The following TMEM132B variants were observed in gnomAD, a reference collection of about 807,000 sequenced individuals.
TMEM132B encodes transmembrane protein 132B.
A neutral mutation model predicts 90.8 loss-of-function variants in TMEM132B; 18 were observed. The observed-to-expected ratio is 0.20, with a 90% CI of 0.14 to 0.29. The LOEUF (loss-of-function observed/expected upper bound fraction) is 0.29, where lower values mean the gene tolerates loss of function less well. TMEM132B is among the 10% of genes least tolerant of loss of function. The probability of loss-of-function intolerance (pLI) is 1.00; values close to 1 mark genes in which losing one functional copy is unlikely to be tolerated. For missense variants in TMEM132B, 1,096 were observed against 1,326.8 expected (o/e 0.83, Z 2.70); for synonymous variants, 504 against 523.3 (o/e 0.96, Z 0.50).
intron 4 of TMEM132B, among the ~76,000 whole-genome samples, chr12:125,572,853 C>A (rs1022049725): frequency 6.6e-6 from 1 of 152,160 alleles, no homozygotes; most frequent in Non-Finnish European, 1.5e-5. Flanking sequence ...CCTTTCTTCA[C>A]TGTTTGTTTA....
chr12:125,508,172 TC>T (rs34128696), intron 3 of TMEM132B, among the ~76,000 whole-genome samples: 15,458 of 152,188 alleles, frequency 0.1, 1,258 homozygotes, highest in Admixed American at 0.27. Context: ...CTTTGCACCT[TC>T]TAACTCCATC....
At chr12:125,257,178 C>T (rs1874456406) in intron 1 of TMEM132B, among the ~76,000 whole-genome samples, 3 of 152,014 alleles carry the variant, frequency 2.0e-5, no homozygotes, top group African/African-American at 7.2e-5. Flanking sequence ...TGGGGATGTT[C>T]GCCTATAGTC....
chr12:125,555,713 T>TA lies in TMEM132B; in HGVS notation c.1294-28129dup, dbSNP rs57444725. ...ATGTACCCTAGAACTTAAAGTATAGTAAAAAAAAATATATATATATATAAA... is the reference window on the plus strand; with the variant it reads ...ATGTACCCTAGAACTTAAAGTATAGTAAAAAAAAAATATATATATATATAAA... On this transcript the variant is annotated intron_variant, in intron 4 of 8. Coordinates refer to ENST00000682704, the MANE Select transcript of TMEM132B (RefSeq NM_001366854.1). 6.7e-3 allele frequency among the ~76,000 whole-genome samples: 997 copies of TA among 149,284 alleles called. 17 individuals are homozygous for TA. The highest frequency in any genetic ancestry group is 0.023 in the African/African-American group (920 of 40,688).
rs189555552 is a variant in TMEM132B at position 125,396,983 on chromosome 12, T to C, written c.960-18548T>C. Among the ~76,000 whole-genome samples, 133 of 152,056 alleles carry C rather than the reference T, an allele frequency of 8.7e-4. 3 individuals are homozygous for C. The East Asian group carries it at 0.024, about 27-fold the overall frequency. ...TGGTCTTAACTTCACTATTCTTTTT[T>C]TTTTTTGAGACAGAGCCTTGATCTG... On this transcript the variant is annotated intron_variant, in intron 2 of 8. Coordinates refer to ENST00000682704, the MANE Select transcript of TMEM132B (RefSeq NM_001366854.1).
intron 3 of TMEM132B, among the ~76,000 whole-genome samples, chr12:125,514,950 C>T (rs1883071123): frequency 6.6e-6 from 1 of 152,208 alleles, no homozygotes; most frequent in African/African-American, 2.4e-5. Flanking sequence ...TGCCTCAGCC[C>T]CTCCTCAGGG....
intron 1 of TMEM132B, among the ~76,000 whole-genome samples, chr12:125,243,836 C>T (rs553234420): frequency 3.3e-5 from 5 of 152,270 alleles, no homozygotes; most frequent in South Asian, 4.1e-4. Flanking sequence ...CAGACCTGAA[C>T]GAATGCAGAC....
In TMEM132B at chr12:125,349,891, C is replaced by T. The variant is rs750934553; in HGVS notation, c.507C>T (p.Phe169=). 3.1e-6 allele frequency: 5 copies of T among 1,614,214 alleles called. No homozygotes were observed. The highest frequency in any genetic ancestry group is 4.2e-6 in the Non-Finnish European group (5 of 1,180,034). ...EDLPCVKMFA[F]PEAREVAASC... is the part of the protein sequence containing the mutation. ...TACCCTGTGTCAAGATGTTTGCTTTCCCTGAGGCCAGGGAAGTGGCAGCCA... is the reference window on the plus strand; with the variant it reads ...TACCCTGTGTCAAGATGTTTGCTTTTCCTGAGGCCAGGGAAGTGGCAGCCA... Residue 169 remains phenylalanine (F), a synonymous_variant, in exon 2 of 9, where the codon TTC becomes TTT. Coordinates refer to ENST00000682704, the MANE Select transcript of TMEM132B (RefSeq NM_001366854.1). The surrounding 1 kb of genome is among the most constrained non-coding windows in gnomAD (Gnocchi z 4.1).
intron 1 of TMEM132B, among the ~76,000 whole-genome samples, chr12:125,238,363 AACCAAAAAAAAAACAAAAAAAAAC>A: frequency 7.6e-6 from 1 of 132,430 alleles, no homozygotes; most frequent in African/African-American, 2.9e-5. Flanking sequence ...AAAAAAAAAA[AACCAAAAAAAAAACAAAAAAAAAC>A]CAAAAAAACA....
chr12:125,562,073 G>A (rs1592994550), intron 4 of TMEM132B, among the ~76,000 whole-genome samples: 1 of 152,204 alleles, frequency 6.6e-6, no homozygotes, highest in East Asian at 1.9e-4. Context: ...AAAGATCTTA[G>A]CTAGATCTTC....
intron 1 of TMEM132B, among the ~76,000 whole-genome samples, chr12:125,262,117 G>A (rs1298503731): frequency 1.3e-5 from 2 of 151,978 alleles, no homozygotes; most frequent in Non-Finnish European, 2.9e-5. Flanking sequence ...TCAATTTAAA[G>A]ATAAATATTG....
chr12:125,195,796 G>A (rs185161626), intron 1 of TMEM132B, among the ~76,000 whole-genome samples: 18 of 152,184 alleles, frequency 1.2e-4, no homozygotes, highest in Admixed American at 9.8e-4. Context: ...TGGGAAGAGT[G>A]TTCCAGGCAG....
chr12:125,423,487 C>G (rs924557299), intron 3 of TMEM132B, among the ~76,000 whole-genome samples: 11 of 152,196 alleles, frequency 7.2e-5, no homozygotes, highest in African/African-American at 2.2e-4. Flanking sequence ...GGACTCCTCC[C>G]TGACCCCTTC....
intron 3 of TMEM132B, among the ~76,000 whole-genome samples, chr12:125,513,665 AG>A (rs1217302255): frequency 6.6e-5 from 10 of 152,168 alleles, no homozygotes; most frequent in Non-Finnish European, 1.5e-4. Flanking sequence ...ACACTTGTTG[AG>A]GATCTGCTTG....
intron 1 of TMEM132B, among the ~76,000 whole-genome samples, chr12:125,203,073 C>T (rs1873102569): frequency 6.6e-6 from 1 of 152,130 alleles, no homozygotes; most frequent in African/African-American, 2.4e-5. Flanking sequence ...GGAGAATGTG[C>T]AGAAGCTTAC....
intron 4 of TMEM132B, among the ~76,000 whole-genome samples, chr12:125,564,911 G>T (rs1884624926): frequency 6.6e-6 from 1 of 152,176 alleles, no homozygotes; most frequent in Non-Finnish European, 1.5e-5. Flanking sequence ...GGTTGATTCT[G>T]ACTGTGAAAC....
intron 1 of TMEM132B, among the ~76,000 whole-genome samples, chr12:125,307,365 A>G (rs1270462688): frequency 6.6e-6 from 1 of 152,022 alleles, no homozygotes; most frequent in Non-Finnish European, 1.5e-5. Context: ...AATACGACTA[A>G]TGTGTTTCAG....
In TMEM132B at chr12:125,312,739, T is replaced by C. The variant is rs185759021; in HGVS notation, c.68-36713T>C. 3.3e-5 allele frequency among the ~76,000 whole-genome samples: 5 copies of C among 152,348 alleles called. No individual in the cohort carries two copies. The East Asian group carries it at 9.6e-4, about 29-fold the overall frequency. On this transcript the variant is annotated intron_variant, in intron 1 of 8. Transcript: ENST00000682704. ...CTACAGGTTTCACCTTGCAGAAATC[T>C]GTCAGGATTCAGGTGTGAATTCAGA... is the stretch of plus-strand genomic sequence containing the variant.
At chr12:125,304,590 T>C (rs529487282) in intron 1 of TMEM132B, among the ~76,000 whole-genome samples, 1 of 152,142 alleles carries the variant, frequency 6.6e-6, no homozygotes, top group African/African-American at 2.4e-5. Context: ...TTTTGGTGTA[T>C]GGTATAAGGT....
Position 125,652,626 on chromosome 12 carries a change from A to T in TMEM132B, c.2100A>T (p.Pro700=). The stretch of plus-strand genomic sequence containing the variant: ...CTGCCCTGGATGTTCTTCAGTCCCC[A>T]CAGCAGGTGAGCGTTCCAGGGGCCC... The part of the protein sequence containing the change: ...TAAALDVLQS[P]QQEAIVSSWI... Residue 700 remains proline, a synonymous_variant, in exon 8 of 9, where the codon CCA becomes CCT. Transcript: ENST00000682704. 6.2e-7 allele frequency: 1 copy of T among 1,611,184 alleles called. No homozygotes were observed. The highest frequency in any genetic ancestry group is 8.5e-7 in the Non-Finnish European group (1 of 1,178,502).
Sources: allele counts gnomAD v4.1 joint callset (sites outside exome capture counted in the v4.1 genomes callset), GRCh38; gene constraint gnomAD v4.1.1; non-coding constraint Gnocchi (gnomAD v3.1); transcripts MANE v1.5; gene names NCBI Gene and HGNC (gene_info 2026-07-23, HGNC 2026-07-21).